SDK1: variants seen among roughly 807,000 people sequenced by gnomAD.
The protein encoded by SDK1 is sidekick cell adhesion molecule 1.
Under a neutral mutation model 245.5 loss-of-function variants are expected in SDK1, and 157 were observed. The observed-to-expected ratio is 0.64, with a 90% confidence interval of 0.56 to 0.73. SDK1 has a LOEUF of 0.73. SDK1 is among the 30% of genes least tolerant of loss of function. The probability of loss-of-function intolerance (pLI) is 0.00; values close to 1 mark genes in which losing one functional copy is unlikely to be tolerated. For synonymous variants in SDK1, 1,647 were observed against 1,278.5 expected, an observed-to-expected ratio of 1.29 and a Z score of -6.15; for missense variants, 3,583 against 3,002.3, an observed-to-expected ratio of 1.19 and a Z score of -4.52.
chr7:3,488,461 A>G (rs1781770694), intron 1 of SDK1, among the ~76,000 whole-genome samples: 1 of 152,056 alleles, frequency 6.6e-6, no homozygotes. Context: ...TTTGTCCTGA[A>G]TTTCAGTTTT....
chr7:3,586,362 C>T (rs1055479106), intron 1 of SDK1, among the ~76,000 whole-genome samples: 13 of 151,870 alleles, frequency 8.6e-5, no homozygotes, highest in Admixed American at 7.9e-4. Flanking sequence ...TAGGAATTCA[C>T]AGCAAATTGA....
chr7:4,021,307 A>G (rs955874374), intron 17 of SDK1, among the ~76,000 whole-genome samples: 3 of 152,150 alleles, frequency 2.0e-5, no homozygotes, highest in Non-Finnish European at 4.4e-5. Context: ...TGCTTTGAAG[A>G]GTCCTCAGTC....
intron 30 of SDK1, among the ~76,000 whole-genome samples, chr7:4,156,170 C>G (rs1780721079): frequency 6.6e-6 from 1 of 152,086 alleles, no homozygotes; most frequent in African/African-American, 2.4e-5. Context: ...CTTTGGGGTC[C>G]ACATTCCTGA....
intron 4 of SDK1, among the ~76,000 whole-genome samples, chr7:3,686,435 T>C (rs1344781758): frequency 1.3e-5 from 2 of 152,156 alleles, no homozygotes; most frequent in Non-Finnish European, 2.9e-5. Flanking sequence ...AGACAGAGCA[T>C]ATTTGTATTA....
rs546597595 is a variant in SDK1, at chr7:4,171,581, G to A, written c.4801-2641G>A. Among the ~76,000 whole-genome samples, 32 of 152,330 alleles carry A rather than the reference G, an allele frequency of 2.1e-4. No homozygotes were observed. In the East Asian group the frequency reaches 4.4e-3, roughly 21 times the overall value. ...TGGTAGCTGAGCATGCTCCAGCCCC[G>A]TGAAGGCGGCCAGCCAGGGCCAGAG... On this transcript the variant is annotated intron_variant, in intron 32 of 44. Transcript: ENST00000404826.
chr7:4,210,026 C>T lies in SDK1; in HGVS notation c.5403C>T (p.Ala1801=), dbSNP rs1784430637. Residue 1801 remains alanine (A), a splice_region_variant and synonymous_variant, in exon 38 of 45, where the codon GCC becomes GCT. Coordinates refer to ENST00000404826, the MANE Select transcript of SDK1 (RefSeq NM_152744.4). ...DPQQGRTHQA[A]PGAPSFLAFS... ...TCACTTTGTGTTCTATTCTCCCAGC[C>T]CCTGGGGCCCCCAGCTTTCTGGCGT... 1.9e-6 allele frequency: 3 copies of T among 1,581,082 alleles called. No individual in the cohort carries two copies. Among genetic ancestry groups the T allele is most frequent in the Non-Finnish European group, 2.6e-6 (3 of 1,165,170 alleles).
chr7:3,670,498 C>T (rs1010054143), intron 4 of SDK1, among the ~76,000 whole-genome samples: 5 of 152,182 alleles, frequency 3.3e-5, no homozygotes, highest in Admixed American at 1.3e-4. Flanking sequence ...ACCTATGCAT[C>T]AGTGTTCTCA....
chr7:3,304,398 T>C (rs1469886744), intron 1 of SDK1, among the ~76,000 whole-genome samples: 2 of 152,182 alleles, frequency 1.3e-5, no homozygotes, highest in Non-Finnish European at 1.5e-5. Context: ...GTATAAGCAG[T>C]CTTATGTGTG....
chr7:3,841,196 C>T (rs577349520), intron 5 of SDK1, among the ~76,000 whole-genome samples: 1 of 152,194 alleles, frequency 6.6e-6, no homozygotes, highest in Non-Finnish European at 1.5e-5. Flanking sequence ...CTGCACCTAC[C>T]CATGTATCAG....
intron 1 of SDK1, among the ~76,000 whole-genome samples, chr7:3,618,178 C>T (rs1349240552): frequency 6.6e-6 from 1 of 152,136 alleles, no homozygotes; most frequent in African/African-American, 2.4e-5. Context: ...AACAGATCTA[C>T]AAAACATTGA....
chr7:4,076,982 T>C lies in SDK1; in HGVS notation c.3011-16T>C. 1 of 1,612,282 alleles carries C rather than the reference T, an allele frequency of 6.2e-7. No homozygotes were observed. The highest frequency in any genetic ancestry group is 8.5e-7 in the Non-Finnish European group (1 of 1,179,374). ...CTTCAGGAGACCAACACTGGTCTGGTCCTGTTGCTTTCTAGGCTATCAGAT... is the reference window on the plus strand; with the variant it reads ...CTTCAGGAGACCAACACTGGTCTGGCCCTGTTGCTTTCTAGGCTATCAGAT... On this transcript the variant is annotated splice_polypyrimidine_tract_variant and intron_variant, in intron 20 of 44. Coordinates refer to ENST00000404826, the MANE Select transcript of SDK1 (RefSeq NM_152744.4).
chr7:3,758,572 G>C (rs1422441870), intron 4 of SDK1, among the ~76,000 whole-genome samples: 4 of 152,172 alleles, frequency 2.6e-5, no homozygotes, highest in South Asian at 2.1e-4. Flanking sequence ...CTGTGGCCTT[G>C]AGAGCTTTCT....
intron 30 of SDK1, among the ~76,000 whole-genome samples, chr7:4,149,801 A>G (rs1050780111): frequency 5.9e-5 from 9 of 152,050 alleles, no homozygotes; most frequent in East Asian, 1.9e-4. Flanking sequence ...AAGGCTGGCA[A>G]TGGGGAGGGG....
intron 35 of SDK1, among the ~76,000 whole-genome samples, chr7:4,194,331 TG>T (rs1305535925): frequency 8.2e-6 from 1 of 122,394 alleles, no homozygotes; most frequent in African/African-American, 3.8e-5. Context: ...TATGCACGTA[TG>T]TGTATACATG....
In SDK1 at chr7:3,317,180, CAAAAAAAAAAAAA is replaced by C. The variant is rs57138474; in HGVS notation, c.298+15312_298+15324del. Among the ~76,000 whole-genome samples, 3 of 32,712 alleles carry C rather than the reference CAAAAAAAAAAAAA, an allele frequency of 9.2e-5. 1 individual carries two copies. The highest frequency in any genetic ancestry group is 5.1e-4 in the Admixed American group (1 of 1,964). The allele number at this position is 32,712 out of a possible 152,430, so 21.5% of individuals were successfully genotyped here. Reference sequence around the variant, plus strand: ...TGGGCAACAGAGTGAGACTCTGTCTCAAAAAAAAAAAAAAAAAAAAAAAAAAAAGGCTATCATG... The same window carrying C: ...TGGGCAACAGAGTGAGACTCTGTCTCAAAAAAAAAAAAAAAGGCTATCATG... On this transcript the variant is annotated intron_variant, in intron 1 of 44. Transcript: ENST00000404826.
chr7:4,185,080 A>C (rs1005729583), intron 35 of SDK1, among the ~76,000 whole-genome samples: 2 of 152,182 alleles, frequency 1.3e-5, no homozygotes, highest in Admixed American at 1.3e-4. Flanking sequence ...GGGAGATGTC[A>C]TCTCTACCTG....
chr7:3,352,715 G>A (rs1562434488), intron 1 of SDK1, among the ~76,000 whole-genome samples: 1 of 152,108 alleles, frequency 6.6e-6, no homozygotes, highest in Non-Finnish European at 1.5e-5. Context: ...AAAGAGAAGA[G>A]ATTTTTCTTT....
At chr7:3,466,998 A>G (rs1433014266) in intron 1 of SDK1, among the ~76,000 whole-genome samples, 2 of 141,922 alleles carry the variant, frequency 1.4e-5, no homozygotes, top group Admixed American at 1.4e-4. Context: ...ACACACACAC[A>G]CACACACACA....
At chr7:3,687,390 G>A (rs1469225843) in intron 4 of SDK1, among the ~76,000 whole-genome samples, 2 of 152,108 alleles carry the variant, frequency 1.3e-5, no homozygotes, top group African/African-American at 2.4e-5. Context: ...GCCTCCCAAA[G>A]TGCTGGGATT....
Sources: allele counts gnomAD v4.1 joint callset (sites outside exome capture counted in the v4.1 genomes callset), GRCh38; gene constraint gnomAD v4.1.1; transcripts MANE v1.5; gene names NCBI Gene and HGNC (gene_info 2026-07-23, HGNC 2026-07-21).